PRKCI: variants seen among roughly 807,000 people sequenced by gnomAD.
The protein encoded by PRKCI is protein kinase C iota type.
A neutral mutation model predicts 84.0 loss-of-function variants in PRKCI; 43 were observed. The observed-to-expected ratio is 0.51, with a 90% CI of 0.40 to 0.66. PRKCI has a LOEUF of 0.66. Among genes scored for constraint, PRKCI ranks in the 30% least tolerant of loss-of-function variants. The probability of loss-of-function intolerance (pLI) is 0.00; values close to 1 mark genes in which losing one functional copy is unlikely to be tolerated. For synonymous variants in PRKCI, 216 were observed against 234.4 expected (o/e 0.92, Z 0.72); for missense variants, 459 against 745.6 (o/e 0.62, Z 4.48).
intron 1 of PRKCI, among the ~76,000 whole-genome samples, chr3:170,225,715 C>G (rs1254593484): frequency 6.6e-6 from 1 of 151,574 alleles, no homozygotes; most frequent in African/African-American, 2.4e-5. Context: ...GCTCCACTAC[C>G]CTTTTCTAAC....
Position 170,267,831 on chromosome 3 carries a change from T to TG in PRKCI, c.365-83dup. Reference sequence around the variant, plus strand: ...TTTTTTTTTCTTGCAGTGAGTATCATGAAAAAATTACAGACTTAATTATAA... The same window carrying TG: ...TTTTTTTTTCTTGCAGTGAGTATCATGGAAAAAATTACAGACTTAATTATAA... On this transcript the variant is annotated intron_variant, in intron 4 of 17. Coordinates refer to ENST00000295797, the MANE Select transcript of PRKCI (RefSeq NM_002740.6). 5 of 1,015,038 alleles carry TG rather than the reference T, an allele frequency of 4.9e-6. No homozygotes were observed. The East Asian group carries it at 1.3e-4, about 27-fold the overall frequency. The allele number at this position is 1,015,038 out of a possible 1,614,324, so 62.9% of individuals were successfully genotyped here.
intron 2 of PRKCI, among the ~76,000 whole-genome samples, chr3:170,251,020 TACTC>T (rs766597439): frequency 2.0e-5 from 3 of 152,084 alleles, no homozygotes; most frequent in Non-Finnish European, 2.9e-5. Flanking sequence ...AGATTGAAAA[TACTC>T]AATCAGAAAG....
At chr3:170,232,301 T>C (rs986450224) in intron 1 of PRKCI, among the ~76,000 whole-genome samples, 8 of 152,138 alleles carry the variant, frequency 5.3e-5, no homozygotes, top group African/African-American at 1.7e-4. Flanking sequence ...TCCTCCCACA[T>C]TGGCCTTTCA....
intron 17 of PRKCI, among the ~76,000 whole-genome samples, chr3:170,300,153 CCAAA>C (rs1005941843): frequency 6.6e-6 from 1 of 152,180 alleles, no homozygotes; most frequent in Non-Finnish European, 1.5e-5. Context: ...AGCACCTGCT[CCAAA>C]CAGTCTCTTC....
At chr3:170,274,718 C>CTT (rs926016905) in intron 7 of PRKCI, among the ~76,000 whole-genome samples, 1 of 147,396 alleles carries the variant, frequency 6.8e-6, no homozygotes, top group African/African-American at 2.5e-5. Flanking sequence ...AATGCAGGCT[C>CTT]TTTTTTTTTT....
At chr3:170,234,816 A>AT (rs1390544806) in intron 1 of PRKCI, among the ~76,000 whole-genome samples, 2 of 151,772 alleles carry the variant, frequency 1.3e-5, no homozygotes, top group Non-Finnish European at 2.9e-5. Flanking sequence ...GTTTTTATTT[A>AT]TTTTTTTGAC....
chr3:170,286,480 T>C (rs2108862020), intron 12 of PRKCI, among the ~76,000 whole-genome samples: 2 of 139,076 alleles, frequency 1.4e-5, no homozygotes, highest in South Asian at 2.3e-4. Context: ...ATTAAAACAA[T>C]GAGGCTTTTT....
chr3:170,264,002 G>T (rs1046269048), intron 4 of PRKCI, among the ~76,000 whole-genome samples: 2 of 152,112 alleles, frequency 1.3e-5, no homozygotes, highest in Non-Finnish European at 2.9e-5. Context: ...ATTCAATTTT[G>T]GAAATGTTCA....
At chr3:170,275,390 T>G in intron 8 of PRKCI, 103 bp downstream of exon 8, 1 of 1,037,350 alleles carries the variant, frequency 9.6e-7, no homozygotes, top group Non-Finnish European at 1.3e-6. Flanking sequence ...TAGATCATAA[T>G]GGTGAAATGC....
chr3:170,268,126 A>G, intron 5 of PRKCI, 126 bp downstream of exon 5: 1 of 705,704 alleles, frequency 1.4e-6, no homozygotes, highest in Non-Finnish European at 2.3e-6. Context: ...GCATGACCTT[A>G]CATTTCCAGT....
At chr3:170,281,859 A>T in intron 10 of PRKCI, 23 bp from the exon 11 acceptor site, 3 of 1,566,456 alleles carry the variant, frequency 1.9e-6, no homozygotes, top group Non-Finnish European at 2.6e-6. Context: ...TCTTGATTTC[A>T]TGGGTTCTCT....
Position 170,267,909 on chromosome 3 carries a change from C to G in PRKCI, c.365-6C>G. On this transcript the variant is annotated splice_region_variant and splice_polypyrimidine_tract_variant and intron_variant, in intron 4 of 17. Coordinates refer to ENST00000295797, the MANE Select transcript of PRKCI (RefSeq NM_002740.6). ...TTTCTTTTTTTAACTATTACTCTGTCTTCAGAATCCATCTACCGTAGAGGT... is the reference window on the plus strand; with the variant it reads ...TTTCTTTTTTTAACTATTACTCTGTGTTCAGAATCCATCTACCGTAGAGGT... The G allele has an allele frequency of 6.3e-7, 1 of 1,588,788 alleles. No homozygotes were observed. Among genetic ancestry groups the G allele is most frequent in the Non-Finnish European group, 8.6e-7 (1 of 1,166,048 alleles).
intron 5 of PRKCI, among the ~76,000 whole-genome samples, chr3:170,269,987 A>C (rs1037197769): frequency 2.0e-5 from 3 of 151,814 alleles, no homozygotes; most frequent in African/African-American, 7.2e-5. Flanking sequence ...AAAGAAGAAG[A>C]AGGCGGCTTT....
intron 10 of PRKCI, chr3:170,281,680 G>A (rs1432708825): frequency 1.8e-5 from 10 of 554,890 alleles, no homozygotes; most frequent in Non-Finnish European, 2.9e-5. Context: ...AACAGAAGTA[G>A]TAGGTTACAA....
intron 2 of PRKCI, among the ~76,000 whole-genome samples, chr3:170,247,845 A>G (rs374944462): frequency 6.6e-6 from 1 of 152,174 alleles, no homozygotes; most frequent in Non-Finnish European, 1.5e-5. Context: ...CAACAAGCCA[A>G]AAATTCACTA....
chr3:170,290,374 C>T (rs1461211842), intron 12 of PRKCI, among the ~76,000 whole-genome samples: 1 of 151,666 alleles, frequency 6.6e-6, no homozygotes, highest in South Asian at 2.1e-4. Context: ...ATTGAGATTT[C>T]CTTTATGACC....
intron 1 of PRKCI, among the ~76,000 whole-genome samples, chr3:170,223,022 A>G (rs1356000951): frequency 1.3e-5 from 2 of 152,062 alleles, no homozygotes; most frequent in African/African-American, 4.8e-5. Context: ...GAAGGAAGCT[A>G]GGGTTAGAGT....
chr3:170,291,148 A>AAAAAG (rs200262754), intron 12 of PRKCI, among the ~76,000 whole-genome samples: 46 of 145,636 alleles, frequency 3.2e-4, no homozygotes, highest in African/African-American at 1.1e-3. Flanking sequence ...AAAAAAAAAA[A>AAAAAG]GTGTTCTTAG....
At chr3:170,271,279 A>G (rs1215977795) in intron 6 of PRKCI, among the ~76,000 whole-genome samples, 1 of 152,156 alleles carries the variant, frequency 6.6e-6, no homozygotes, top group Non-Finnish European at 1.5e-5. Context: ...TTATCAACTC[A>G]TGTCTAATCT....
Sources: gnomAD v4.1 joint callset for allele counts (sites outside exome capture counted in the v4.1 genomes callset) on GRCh38, gnomAD v4.1.1 for gene constraint, MANE v1.5 for transcripts, NCBI Gene and HGNC (gene_info 2026-07-23, HGNC 2026-07-21) for gene names.